Variants in XRN2 observed in about 807,000 individuals in gnomAD.
The protein encoded by XRN2 is DHM1-like protein.
XRN2 carries 44 observed loss-of-function variants against 138.5 expected under a neutral mutation model. The observed-to-expected ratio is 0.32, with a 90% confidence interval of 0.25 to 0.41. XRN2 has a LOEUF of 0.41. Ranked by LOEUF, XRN2 falls within the 10% of genes least tolerant of loss-of-function variation. The pLI is 1.00. For synonymous variants in XRN2, 354 were observed against 369.4 expected, an observed-to-expected ratio of 0.96 and a Z score of 0.48; for missense variants, 937 against 1,169.3, an observed-to-expected ratio of 0.80 and a Z score of 2.90.
In XRN2 at chr20:21,357,783, C is replaced by G. The variant is rs750658498; in HGVS notation, c.2246C>G (p.Thr749Ser). 1 of 1,599,088 alleles carries G rather than the reference C, an allele frequency of 6.3e-7. No homozygotes were observed. The highest frequency in any genetic ancestry group is 1.2e-5 in the South Asian group (1 of 86,902). ...VPMLRDLTQN[T>S]VVSINFKDPQ... ...ATGTTAAGGGATCTGACACAGAACA[C>G]TGTAGTCAGGTAAGTTTTCCAAAAT... Residue 749 changes from threonine (T) to serine (S), a missense_variant, in exon 24 of 30, where the codon ACT (threonine) becomes AGT (serine). Coordinates refer to ENST00000377191, the MANE Select transcript of XRN2 (RefSeq NM_012255.5).
intron 27 of XRN2, among the ~76,000 whole-genome samples, chr20:21,370,936 G>A (rs2038754714): frequency 6.6e-6 from 1 of 152,144 alleles, no homozygotes; most frequent in African/African-American, 2.4e-5. Context: ...TTGTCTGGTT[G>A]CCACAAGGGC....
intron 28 of XRN2, among the ~76,000 whole-genome samples, chr20:21,382,310 A>T (rs1038345835): frequency 6.6e-6 from 1 of 152,184 alleles, no homozygotes; most frequent in African/African-American, 2.4e-5. Context: ...TGCCCTGAAA[A>T]ATGCAACACA....
In XRN2 at chr20:21,332,277, T is replaced by A. The variant is rs376252230; in HGVS notation, c.701-6T>A. Reference sequence around the variant, plus strand: ...GTTCGATGTTTTTCTCATTGTTGATTGATAGCTGATCTCATTATGCTTGGC... The same window carrying A: ...GTTCGATGTTTTTCTCATTGTTGATAGATAGCTGATCTCATTATGCTTGGC... On this transcript the variant is annotated splice_region_variant and splice_polypyrimidine_tract_variant and intron_variant, in intron 8 of 29. Transcript: ENST00000377191. 6.2e-7 allele frequency: 1 copy of A among 1,607,580 alleles called. No homozygotes were observed. The highest frequency in any genetic ancestry group is 2.2e-5 in the East Asian group (1 of 44,848).
Position 21,389,489 on chromosome 20 carries a change from CTGTT to C in XRN2, c.*153_*156del. On this transcript the variant is annotated 3_prime_UTR_variant, in exon 30 of 30. Coordinates refer to ENST00000377191, the MANE Select transcript of XRN2 (RefSeq NM_012255.5). ...GTATATTTCTACTGATCTGATCTCA[CTGTT>C]TATGTTGCTTTCCAAAGATGTATGT... 2 of 653,748 alleles carry C rather than the reference CTGTT, an allele frequency of 3.1e-6. No individual in the cohort carries two copies. 40.5% of individuals were successfully genotyped at this position (653,748 alleles called of 1,614,324 possible).
At chr20:21,322,637 G>A (rs914713617) in intron 1 of XRN2, among the ~76,000 whole-genome samples, 4 of 152,152 alleles carry the variant, frequency 2.6e-5, no homozygotes, top group Non-Finnish European at 1.5e-5. Flanking sequence ...CTGGAACAGT[G>A]GGTTGGCATG....
At chr20:21,373,343 T>C (rs951330851) in intron 27 of XRN2, among the ~76,000 whole-genome samples, 1 of 152,220 alleles carries the variant, frequency 6.6e-6, no homozygotes, top group African/African-American at 2.4e-5. Context: ...TGTTAAATCA[T>C]AGGACTATAT....
chr20:21,335,249 G>T (rs2038269443), intron 13 of XRN2, among the ~76,000 whole-genome samples: 1 of 152,220 alleles, frequency 6.6e-6, no homozygotes, highest in Admixed American at 6.5e-5. Context: ...ATTGCAGGGT[G>T]TAGCAAGGGA....
chr20:21,344,534 G>T (rs2038411789), intron 16 of XRN2, among the ~76,000 whole-genome samples: 1 of 152,102 alleles, frequency 6.6e-6, no homozygotes, highest in Non-Finnish European at 1.5e-5. Flanking sequence ...GTTGCTGTTT[G>T]GAGACTGATT....
chr20:21,330,330 T>C (rs1042824396), intron 4 of XRN2, 151 bp from the exon 5 acceptor site: 10 of 612,630 alleles, frequency 1.6e-5, no homozygotes, highest in Admixed American at 9.8e-5. Context: ...TGGAATCTTA[T>C]TTTCTTCCCA....
intron 20 of XRN2, among the ~76,000 whole-genome samples, chr20:21,349,939 A>G (rs1360368861): frequency 2.6e-5 from 4 of 152,208 alleles, no homozygotes; most frequent in African/African-American, 4.8e-5. Flanking sequence ...TGATTAATTA[A>G]TGGGGCTTGT....
In XRN2 at chr20:21,385,423, C is replaced by G. The variant is rs2038927428; in HGVS notation, c.2649-1445C>G. 2.6e-5 allele frequency among the ~76,000 whole-genome samples: 4 copies of G among 152,128 alleles called. No homozygotes were observed. In the South Asian group the frequency reaches 6.2e-4, roughly 24 times the overall value. On this transcript the variant is annotated intron_variant, in intron 28 of 29. Coordinates refer to ENST00000377191, the MANE Select transcript of XRN2 (RefSeq NM_012255.5). ...GCTAAAACAGATGGAGGCATTCTTG[C>G]TAAAATATATTTGTGCTAGTAATTG...
At chr20:21,324,268 T>G (rs2038090463) in intron 1 of XRN2, among the ~76,000 whole-genome samples, 1 of 152,190 alleles carries the variant, frequency 6.6e-6, no homozygotes, top group African/African-American at 2.4e-5. Flanking sequence ...TTCTTCTCTG[T>G]TCTGCCTTAA....
chr20:21,349,215 C>G (rs2038476317), intron 19 of XRN2, among the ~76,000 whole-genome samples, 174 bp from the exon 20 acceptor site: 1 of 152,134 alleles, frequency 6.6e-6, no homozygotes, highest in Admixed American at 6.6e-5. Flanking sequence ...TAACATTGTT[C>G]ATTTTGTTTT....
At chr20:21,372,146 T>G (rs1436604659) in intron 27 of XRN2, among the ~76,000 whole-genome samples, 1 of 152,228 alleles carries the variant, frequency 6.6e-6, no homozygotes, top group Non-Finnish European at 1.5e-5. Flanking sequence ...AAGAAACAAG[T>G]ACCCTCTGCC....
At position 21,333,604 on chromosome 20, in the gene XRN2, A is replaced by G. The variant is rs764557361; in HGVS notation, c.919A>G (p.Asn307Asp). 1.9e-6 allele frequency: 3 copies of G among 1,613,786 alleles called. No homozygotes were observed. In the South Asian group the frequency reaches 3.3e-5, roughly 18 times the overall value. The change falls in exon 10 of 30, where the codon AAT (asparagine) becomes GAT (aspartate). Residue 307 changes from asparagine to aspartate, a missense_variant. By Grantham distance (23) the Asn-to-Asp change is conservative. Coordinates refer to ENST00000377191, the MANE Select transcript of XRN2 (RefSeq NM_012255.5). ...AGGAGAGTTTATCTTCCTTCGGCTTAATGTTCTTCGTGAGGTATGTAGCAA... is the reference window on the plus strand; with the variant it reads ...AGGAGAGTTTATCTTCCTTCGGCTTGATGTTCTTCGTGAGGTATGTAGCAA... ...AEGEFIFLRL[N>D]VLREYLEREL...
chr20:21,332,515 A>G (rs2038227275), intron 9 of XRN2, 75 bp downstream of exon 9: 2 of 1,395,188 alleles, frequency 1.4e-6, no homozygotes, highest in Non-Finnish European at 9.6e-7. Context: ...GACATAAAAT[A>G]TCATTTCAAC....
intron 1 of XRN2, among the ~76,000 whole-genome samples, chr20:21,305,078 C>G (rs1234222478): frequency 6.6e-6 from 1 of 152,206 alleles, no homozygotes. Flanking sequence ...ACCAGGTAGT[C>G]TATCAAGAGT....
chr20:21,383,783 A>G (rs1211203108), intron 28 of XRN2, among the ~76,000 whole-genome samples: 1 of 152,180 alleles, frequency 6.6e-6, no homozygotes, highest in Non-Finnish European at 1.5e-5. Context: ...AAGTACTAGT[A>G]TTATTCTGAC....
At chr20:21,376,305 A>G (rs982896494) in intron 27 of XRN2, among the ~76,000 whole-genome samples, 1 of 152,176 alleles carries the variant, frequency 6.6e-6, no homozygotes, top group African/African-American at 2.4e-5. Flanking sequence ...GCAGTGAGCT[A>G]TGATAGCCCA....
Sources: allele counts gnomAD v4.1 joint callset (sites outside exome capture counted in the v4.1 genomes callset), GRCh38; gene constraint gnomAD v4.1.1; transcripts MANE v1.5; gene names NCBI Gene and HGNC (gene_info 2026-07-23, HGNC 2026-07-21).